Variants in MAF observed in about 807,000 individuals in gnomAD.
The protein encoded by MAF is MAF bZIP transcription factor.
In MAF, 10 loss-of-function variants were observed where a neutral mutation model predicts 22.0. That is an observed-to-expected ratio of 0.45 (90% CI 0.28 to 0.77). The LOEUF (loss-of-function observed/expected upper bound fraction) is 0.77. MAF is among the 30% of genes least tolerant of loss of function. The pLI is 0.12. For missense variants in MAF, 544 were observed against 548.4 expected, an observed-to-expected ratio of 0.99 and a Z score of 0.08; for synonymous variants, 337 against 255.8, an observed-to-expected ratio of 1.32 and a Z score of -3.03.
At chr16:79,214,813 C>T in the MAF span, among the ~76,000 whole-genome samples, 17 of 143,376 alleles carry the variant, frequency 1.2e-4, no homozygotes, top group African/African-American at 2.6e-4. Context: ...CCGGTTCAAG[C>T]GATTCTCCTG....
At chr16:79,331,638 G>C in the MAF span, among the ~76,000 whole-genome samples, 1 of 152,132 alleles carries the variant, frequency 6.6e-6, no homozygotes, top group Non-Finnish European at 1.5e-5. Flanking sequence ...CTCCATACAA[G>C]AGCCACAGAC....
the MAF span, among the ~76,000 whole-genome samples, chr16:79,211,051 G>GTGTGTGTC: frequency 1.3e-5 from 2 of 151,968 alleles, no homozygotes; most frequent in Non-Finnish European, 2.9e-5. Flanking sequence ...GTGTGTGTGT[G>GTGTGTGTC]TGTGTGCATT....
chr16:79,275,126 C>G, the MAF span, among the ~76,000 whole-genome samples: 1 of 152,172 alleles, frequency 6.6e-6, no homozygotes, highest in Non-Finnish European at 1.5e-5. Context: ...GAGGCTGAGG[C>G]AGGTGGATCA....
chr16:79,250,635 G>C, the MAF span, among the ~76,000 whole-genome samples: 1 of 152,152 alleles, frequency 6.6e-6, no homozygotes, highest in Non-Finnish European at 1.5e-5. Context: ...TAATTCAATG[G>C]TGATGAGCAC....
the MAF span, among the ~76,000 whole-genome samples, chr16:79,437,140 CTCTCTCTGTGTG>C: frequency 3.8e-5 from 1 of 25,976 alleles, no homozygotes; most frequent in African/African-American, 8.4e-5. Flanking sequence ...AAAGCTCTCT[CTCTCTCTGTGTG>C]TGTGTGTGTG....
chr16:79,286,080 T>C, the MAF span, among the ~76,000 whole-genome samples: 1 of 152,162 alleles, frequency 6.6e-6, no homozygotes, highest in African/African-American at 2.4e-5. Context: ...TATTGAGAGA[T>C]CAAATAAGAT....
chr16:79,306,499 A>G, the MAF span, among the ~76,000 whole-genome samples: 1 of 152,132 alleles, frequency 6.6e-6, no homozygotes, highest in Non-Finnish European at 1.5e-5. Flanking sequence ...AGAGGAAGAG[A>G]GGTTGGTGGC....
the MAF span, among the ~76,000 whole-genome samples, chr16:79,261,467 A>T: frequency 6.6e-6 from 1 of 152,200 alleles, no homozygotes; most frequent in South Asian, 2.1e-4. Flanking sequence ...TTCTTTTAAG[A>T]CTTAGCACAG....
chr16:79,320,318 C>T, the MAF span, among the ~76,000 whole-genome samples: 4 of 152,182 alleles, frequency 2.6e-5, no homozygotes, highest in Non-Finnish European at 4.4e-5. Context: ...TCTGCTAAAA[C>T]ATCCACCAGA....
intron 1 of MAF, chr16:79,598,125 A>G (rs1048485505): frequency 9.6e-7 from 1 of 1,046,614 alleles, no homozygotes; most frequent in African/African-American, 1.7e-5. Context: ...TGCAAGCTCA[A>G]TCTCACATGA....
chr16:79,280,562 T>C, the MAF span, among the ~76,000 whole-genome samples: 1 of 152,204 alleles, frequency 6.6e-6, no homozygotes, highest in African/African-American at 2.4e-5. Context: ...TGCATATGTG[T>C]CTTTTGAGTT....
chr16:79,302,421 A>C, the MAF span, among the ~76,000 whole-genome samples: 16 of 152,196 alleles, frequency 1.1e-4, no homozygotes, highest in Non-Finnish European at 2.4e-4. Flanking sequence ...CTTTTCTGCC[A>C]CTGCACGTTA....
chr16:79,355,861 C>G, the MAF span, among the ~76,000 whole-genome samples: 4 of 151,924 alleles, frequency 2.6e-5, no homozygotes, highest in African/African-American at 9.7e-5. Context: ...TGTCAATATT[C>G]CCAGAGGGAG....
chr16:79,544,007 A>G, the MAF span, among the ~76,000 whole-genome samples: 31 of 152,258 alleles, frequency 2.0e-4, no homozygotes, highest in African/African-American at 5.8e-4. Flanking sequence ...TTCTTGTACC[A>G]AGGTAGAGAG....
chr16:79,441,582 G>T, the MAF span, among the ~76,000 whole-genome samples: 2 of 152,142 alleles, frequency 1.3e-5, no homozygotes, highest in African/African-American at 2.4e-5. Context: ...AAAATATTAT[G>T]CTTTTTGTTA....
chr16:79,335,140 G>A, the MAF span, among the ~76,000 whole-genome samples: 2 of 148,546 alleles, frequency 1.3e-5, no homozygotes, highest in East Asian at 2.0e-4. Context: ...ATCCAAGATC[G>A]CGCCACTGCA....
At chr16:79,582,857 T>C (rs892781992), downstream of MAF, among the ~76,000 whole-genome samples, 6 of 152,198 alleles carry the variant, frequency 3.9e-5, no homozygotes, top group Admixed American at 2.0e-4. Flanking sequence ...GATTTACTCT[T>C]AAAACCGAAT....
At chr16:79,574,574 A>G in the MAF span, among the ~76,000 whole-genome samples, 1 of 152,158 alleles carries the variant, frequency 6.6e-6, no homozygotes, top group Non-Finnish European at 1.5e-5. Context: ...CGTGAGACCC[A>G]TGGAAGACCT....
chr16:79,369,697 G>C, the MAF span, among the ~76,000 whole-genome samples: 2 of 152,208 alleles, frequency 1.3e-5, no homozygotes, highest in Non-Finnish European at 2.9e-5. Context: ...TGAGAAATCA[G>C]CCTAATGTGT....
Sources: gnomAD v4.1 joint callset for allele counts (sites outside exome capture counted in the v4.1 genomes callset) on GRCh38, gnomAD v4.1.1 for gene constraint, MANE v1.5 for transcripts, NCBI Gene and HGNC (gene_info 2026-07-23, HGNC 2026-07-21) for gene names.